CMTM4: variants seen among roughly 807,000 people sequenced by gnomAD.
CMTM4 encodes CKLF-like MARVEL transmembrane domain-containing protein 4.
CMTM4 carries 8 observed loss-of-function variants against 19.0 expected under a neutral mutation model. The ratio of observed to expected loss-of-function variants is 0.42; its 90% CI spans 0.25 to 0.76. The LOEUF is 0.76. CMTM4 is among the 30% of genes least tolerant of loss of function. CMTM4 has a pLI of 0.27. For missense variants in CMTM4, 228 were observed against 290.2 expected (o/e 0.79, Z 1.56); for synonymous variants, 106 against 121.1 (o/e 0.88, Z 0.82).
intron 1 of CMTM4, among the ~76,000 whole-genome samples, chr16:66,673,947 T>C (rs2016758674): frequency 6.6e-6 from 1 of 152,184 alleles, no homozygotes; most frequent in Non-Finnish European, 1.5e-5. Flanking sequence ...GCCACTGCAT[T>C]CCACCAGCCA....
downstream of CMTM4, chr16:66,611,123 T>G: frequency 2.7e-6 from 1 of 374,130 alleles, no homozygotes; most frequent in Non-Finnish European, 4.7e-6. Flanking sequence ...GTAACAATTA[T>G]TTTGCTGTAA....
intron 1 of CMTM4, among the ~76,000 whole-genome samples, chr16:66,644,556 C>T (rs1282277531): frequency 1.3e-5 from 2 of 152,168 alleles, no homozygotes; most frequent in African/African-American, 2.4e-5. Flanking sequence ...TATTTTAAAA[C>T]AATATTCACT....
At chr16:66,641,020 A>G (rs1163797609) in intron 1 of CMTM4, among the ~76,000 whole-genome samples, 1 of 152,212 alleles carries the variant, frequency 6.6e-6, no homozygotes, top group Non-Finnish European at 1.5e-5. Flanking sequence ...TGACACACAG[A>G]AATGAAAAGA....
Position 66,696,312 on chromosome 16 carries a change from G to A in CMTM4, c.186+28C>T, listed in dbSNP as rs2017234584. ...GAGGCGTGCGGCTAGGCCGCCCTCG[G>A]GCACCTGGGGCCCCGCCCGGCACCT... is the stretch of plus-strand genomic sequence containing the variant. On this transcript the variant is annotated intron_variant, in intron 1 of 3. Coordinates refer to ENST00000394106, the MANE Select transcript of CMTM4 (RefSeq NM_181521.3). This position sits in a 1 kb window ranked among gnomAD's most constrained non-coding sequence, Gnocchi z 4.3. 2.3e-6 allele frequency: 3 copies of A among 1,302,068 alleles called. No homozygotes were observed. The highest frequency in any genetic ancestry group is 2.9e-6 in the Non-Finnish European group (3 of 1,027,774). The allele number at this position is 1,302,068 out of a possible 1,614,324, so 80.7% of individuals were successfully genotyped here.
At chr16:66,679,979 T>C (rs555036050) in intron 1 of CMTM4, among the ~76,000 whole-genome samples, 1 of 152,146 alleles carries the variant, frequency 6.6e-6, no homozygotes, top group South Asian at 2.1e-4. Context: ...TTGACCCCAA[T>C]AGGCTTCTGT....
the CMTM4 span, among the ~76,000 whole-genome samples, chr16:66,600,689 T>G: frequency 6.6e-6 from 1 of 151,222 alleles, no homozygotes; most frequent in South Asian, 2.1e-4. Flanking sequence ...CAGACATCTG[T>G]TATCTATTAC....
At chr16:66,690,739 A>G (rs950338901) in intron 1 of CMTM4, among the ~76,000 whole-genome samples, 1 of 152,192 alleles carries the variant, frequency 6.6e-6, no homozygotes, top group Non-Finnish European at 1.5e-5. Flanking sequence ...ATTACTACCC[A>G]TACTGTACAA....
chr16:66,681,427 C>T (rs1020529312), intron 1 of CMTM4, among the ~76,000 whole-genome samples: 5 of 152,084 alleles, frequency 3.3e-5, no homozygotes, highest in African/African-American at 1.2e-4. Flanking sequence ...TGCCATTCTC[C>T]TGCCTCAGCC....
chr16:66,678,818 AT>A (rs2016854552), intron 1 of CMTM4, among the ~76,000 whole-genome samples: 1 of 152,142 alleles, frequency 6.6e-6, no homozygotes, highest in Non-Finnish European at 1.5e-5. Context: ...TTAAAAAATT[AT>A]TCTTTGGCCA....
intron 2 of CMTM4, among the ~76,000 whole-genome samples, chr16:66,633,679 A>G (rs1266763919): frequency 6.6e-6 from 1 of 152,002 alleles, no homozygotes; most frequent in Non-Finnish European, 1.5e-5. Context: ...TTAGCTGGGC[A>G]CGGTGGCACA....
In CMTM4 at chr16:66,617,132, A is replaced by T; in HGVS notation, c.*4926T>A. 1.4e-6 allele frequency: 1 copy of T among 730,696 alleles called. No individual in the cohort carries two copies. Among genetic ancestry groups the T allele is most frequent in the Non-Finnish European group, 2.2e-6 (1 of 452,994 alleles). The allele number at this position is 730,696 out of a possible 1,614,324, so 45.3% of individuals were successfully genotyped here. A position where few individuals can be genotyped will look rare whatever the true frequency, so the allele number is the denominator to read the frequency against. ...AAAGGCTCCCTGGCCTTTGTGTATT[A>T]TGCATCCCAAAGAAAACACGCCACC... On this transcript the variant is annotated 3_prime_UTR_variant, in exon 4 of 4. Coordinates refer to ENST00000394106, the MANE Select transcript of CMTM4 (RefSeq NM_181521.3).
At chr16:66,605,093 C>G in the CMTM4 span, 1 of 844,926 alleles carries the variant, frequency 1.2e-6, no homozygotes, top group Middle Eastern at 4.1e-4. This position sits in a 1 kb window ranked among gnomAD's most constrained non-coding sequence, Gnocchi z 4.6. Context: ...CGACTTCTCT[C>G]GGGCGCCTGG....
chr16:66,640,250 AG>A (rs1198825238), intron 1 of CMTM4, among the ~76,000 whole-genome samples: 18 of 152,314 alleles, frequency 1.2e-4, no homozygotes, highest in Non-Finnish European at 1.0e-4. Flanking sequence ...CAGTGAGCTG[AG>A]ATCGCGCCAC....
At chr16:66,642,466 C>T (rs968135831) in intron 1 of CMTM4, among the ~76,000 whole-genome samples, 7 of 152,108 alleles carry the variant, frequency 4.6e-5, no homozygotes, top group Admixed American at 4.6e-4. Context: ...GTAATCCCAG[C>T]ACTTTGGGAG....
At chr16:66,638,634 G>A (rs2144815082) in intron 1 of CMTM4, among the ~76,000 whole-genome samples, 1 of 152,296 alleles carries the variant, frequency 6.6e-6, no homozygotes. Flanking sequence ...TGAGGCAGGT[G>A]GATCACCTGA....
the CMTM4 span, chr16:66,604,867 G>T: frequency 7.1e-7 from 1 of 1,407,074 alleles, no homozygotes; most frequent in South Asian, 1.5e-5. Context: ...TCCCGTCCCG[G>T]CCCCGCGGTC....
chr16:66,620,430 G>C lies in CMTM4; in HGVS notation c.*1628C>G. ...TGGGACACTGCTCCCAACTCAGATC[G>C]TACTGAAGGTGTTGGTGCAGGAAGC... On this transcript the variant is annotated 3_prime_UTR_variant, in exon 4 of 4. Coordinates refer to ENST00000394106, the MANE Select transcript of CMTM4 (RefSeq NM_181521.3). The C allele has an allele frequency of 6.1e-6, 6 of 985,464 alleles. No homozygotes were observed. The highest frequency in any genetic ancestry group is 7.2e-6 in the Non-Finnish European group (6 of 829,962). The allele number at this position is 985,464 out of a possible 1,614,324, so 61.0% of individuals were successfully genotyped here.
At chr16:66,609,692 C>CG in the CMTM4 span, 3 of 1,543,246 alleles carry the variant, frequency 1.9e-6, no homozygotes, top group South Asian at 3.6e-5. The surrounding 1 kb of genome is among the most constrained non-coding windows in gnomAD (Gnocchi z 4.4). Context: ...TGACTCTACC[C>CG]GGGGTTTTGA....
At chr16:66,663,591 G>A (rs554975603) in intron 1 of CMTM4, among the ~76,000 whole-genome samples, 1 of 126,516 alleles carries the variant, frequency 7.9e-6, no homozygotes, top group South Asian at 2.5e-4. Context: ...TCGTCAGGCT[G>A]GAGTTCAGTG....
Sources: allele counts gnomAD v4.1 joint callset (sites outside exome capture counted in the v4.1 genomes callset), GRCh38; gene constraint gnomAD v4.1.1; non-coding constraint Gnocchi (gnomAD v3.1); transcripts MANE v1.5; gene names NCBI Gene and HGNC (gene_info 2026-07-23, HGNC 2026-07-21).